The following SCN4B variants were observed in gnomAD, a reference collection of about 807,000 sequenced individuals.
SCN4B encodes sodium channel regulatory subunit beta-4.
SCN4B carries 20 observed loss-of-function variants against 19.6 expected under a neutral mutation model. That is an observed-to-expected ratio of 1.02 (90% CI 0.72 to 1.48). The LOEUF (loss-of-function observed/expected upper bound fraction) is 1.48, where lower values mean the gene tolerates loss of function less well. Ranked by LOEUF, SCN4B falls within the 40% of genes most tolerant of loss-of-function variation. SCN4B has a pLI of 0.00. For missense variants in SCN4B, 271 were observed against 287.5 expected (o/e 0.94, Z 0.42); for synonymous variants, 127 against 122.8 (o/e 1.03, Z -0.22).
In SCN4B at chr11:118,134,112, T is replaced by G. The variant is rs902636331; in HGVS notation, c.*2915A>C. 2.2e-6 allele frequency: 1 copy of G among 454,294 alleles called. No individual in the cohort carries two copies. Among genetic ancestry groups the G allele is most frequent in the Non-Finnish European group, 4.4e-6 (1 of 226,804 alleles). The allele number at this position is 454,294 out of a possible 1,614,324, so 28.1% of individuals were successfully genotyped here. A position where few individuals can be genotyped will look rare whatever the true frequency, so the allele number is the denominator to read the frequency against. ...GCTCTGATCGGCCTGCCATATGTAG[T>G]CTGAGCCCCATCGGCTGCTCTCCCC... On this transcript the variant is annotated 3_prime_UTR_variant, in exon 5 of 5. Transcript: ENST00000324727.
chr11:118,145,991 G>A (rs1263872058), intron 1 of SCN4B, among the ~76,000 whole-genome samples: 5 of 152,158 alleles, frequency 3.3e-5, no homozygotes, highest in Admixed American at 1.3e-4. Flanking sequence ...GGGGCGCGCG[G>A]GCGCAGCCAG....
Position 118,148,918 on chromosome 11 carries a change from C to T in SCN4B, c.62-3689G>A, listed in dbSNP as rs1264745577. Among the ~76,000 whole-genome samples, 4 of 151,964 alleles carry T rather than the reference C, an allele frequency of 2.6e-5. No homozygotes were observed. The highest frequency in any genetic ancestry group is 1.9e-4 in the East Asian group (1 of 5,182). On this transcript the variant is annotated intron_variant, in intron 1 of 4. Coordinates refer to ENST00000324727, the MANE Select transcript of SCN4B (RefSeq NM_174934.4). The surrounding 1 kb of genome is among the most constrained non-coding windows in gnomAD (Gnocchi z 4.0). ...TGTGTGAGAGTGGGGGGCCTCTTTC[C>T]GGCATTGTGGAATTGAGGAACAACT...
At position 118,134,490 on chromosome 11, in the gene SCN4B, G is replaced by A; in HGVS notation, c.*2537C>T. 2 of 454,096 alleles carry A rather than the reference G, an allele frequency of 4.4e-6. No individual in the cohort carries two copies. The highest frequency in any genetic ancestry group is 8.8e-6 in the Non-Finnish European group (2 of 226,790). The allele number at this position is 454,096 out of a possible 1,614,324, so 28.1% of individuals were successfully genotyped here. A position where few individuals can be genotyped will look rare whatever the true frequency, so the allele number is the denominator to read the frequency against. On this transcript the variant is annotated 3_prime_UTR_variant, in exon 5 of 5. Coordinates refer to ENST00000324727, the MANE Select transcript of SCN4B (RefSeq NM_174934.4). The stretch of plus-strand genomic sequence containing the variant: ...TTGACATGGGACAGGATGATTCTTT[G>A]TTGTGGGGACTAAGTTTAGCATTCT...
intron 1 of SCN4B, among the ~76,000 whole-genome samples, chr11:118,151,331 G>A (rs919729620): frequency 3.3e-5 from 5 of 152,114 alleles, no homozygotes; most frequent in Admixed American, 6.5e-5. Flanking sequence ...TGCCACCATG[G>A]GGACCTGGGC....
Position 118,136,879 on chromosome 11 carries a change from C to A in SCN4B, c.*148G>T. 1 of 705,060 alleles carries A rather than the reference C, an allele frequency of 1.4e-6. No individual in the cohort carries two copies. 43.7% of individuals were successfully genotyped at this position (705,060 alleles called of 1,614,324 possible). A position where few individuals can be genotyped will look rare whatever the true frequency, so the allele number is the denominator to read the frequency against. Reference sequence around the variant, plus strand: ...CTGGGAAGGGGATGGGCAGGCTGGGCAGGACTCTGGTTTCTTGTGCCCGGA... The same window carrying A: ...CTGGGAAGGGGATGGGCAGGCTGGGAAGGACTCTGGTTTCTTGTGCCCGGA... On this transcript the variant is annotated 3_prime_UTR_variant, in exon 5 of 5. Coordinates refer to ENST00000324727, the MANE Select transcript of SCN4B (RefSeq NM_174934.4).
chr11:118,146,908 G>C (rs1214745032), intron 1 of SCN4B, among the ~76,000 whole-genome samples: 3 of 152,188 alleles, frequency 2.0e-5, no homozygotes, highest in Non-Finnish European at 2.9e-5. Context: ...ATTAGTGCTG[G>C]GAAGTTATTT....
In SCN4B at chr11:118,144,118, A is replaced by G. The variant is rs553060273; in HGVS notation, c.235-57T>C. 1.2e-5 allele frequency: 14 copies of G among 1,199,804 alleles called. No individual in the cohort carries two copies. In the African/African-American group the frequency reaches 1.9e-4, roughly 17 times the overall value. 74.3% of individuals were successfully genotyped at this position (1,199,804 alleles called of 1,614,324 possible). A position where few individuals can be genotyped will look rare whatever the true frequency, so the allele number is the denominator to read the frequency against. ...TAGCCGAGAAAGAATCGGGGTCCTC[A>G]AGGGTCATGACATCACACCAGCCCA... On this transcript the variant is annotated intron_variant, in intron 2 of 4. Coordinates refer to ENST00000324727, the MANE Select transcript of SCN4B (RefSeq NM_174934.4).
At chr11:118,138,494 GTC>G (rs1948053395) in intron 4 of SCN4B, among the ~76,000 whole-genome samples, 1 of 152,058 alleles carries the variant, frequency 6.6e-6, no homozygotes, top group African/African-American at 2.4e-5. Flanking sequence ...CTCTCTCTCT[GTC>G]TCTCTCTCTT....
In SCN4B at chr11:118,143,830, T is replaced by A. The variant is rs751139039; in HGVS notation, c.463+3A>T. ...CTGCCCTGTGCCAGCCCCTACTGCA[T>A]ACGTCTATCAACGACTTGGAGGAAG... On this transcript the variant is annotated splice_donor_region_variant and intron_variant, in intron 3 of 4. Transcript: ENST00000324727. The A allele has an allele frequency of 8.6e-5, 139 of 1,609,496 alleles. 1 individual carries two copies. In the East Asian group the frequency reaches 3.1e-3, roughly 35 times the overall value.
Position 118,134,221 on chromosome 11 carries a change from A to G in SCN4B, c.*2806T>C, listed in dbSNP as rs1591428848. Reference sequence around the variant, plus strand: ...GAGAAGCCCAGAACCTGGAATGCTGATTTCATATTTTGTAGTTGATGAGGA... The same window carrying G: ...GAGAAGCCCAGAACCTGGAATGCTGGTTTCATATTTTGTAGTTGATGAGGA... On this transcript the variant is annotated 3_prime_UTR_variant, in exon 5 of 5. Transcript: ENST00000324727. 2.2e-6 allele frequency: 1 copy of G among 454,064 alleles called. No individual in the cohort carries two copies. The highest frequency in any genetic ancestry group is 4.4e-6 in the Non-Finnish European group (1 of 226,784). 28.1% of individuals were successfully genotyped at this position (454,064 alleles called of 1,614,324 possible).
At chr11:118,146,802 C>G (rs1042243302) in intron 1 of SCN4B, among the ~76,000 whole-genome samples, 2 of 152,174 alleles carry the variant, frequency 1.3e-5, no homozygotes, top group Non-Finnish European at 2.9e-5. Flanking sequence ...CTATGAGTCA[C>G]GTACTATTAT....
In SCN4B at chr11:118,145,090, C is replaced by G. The variant is rs1272762836; in HGVS notation, c.201G>C (p.Arg67=). The G allele has an allele frequency of 6.2e-7, 1 of 1,614,006 alleles. No homozygotes were observed. Among genetic ancestry groups the G allele is most frequent in the African/African-American group, 1.3e-5 (1 of 74,894 alleles). The change falls in exon 2 of 5, where the codon CGG becomes CGC. Residue 67 remains arginine, a synonymous_variant. Transcript: ENST00000324727. ...ATGCGTCACTGCTGTTGTAGGTCCA[C>G]CGGAAGTGGAGGTCCTCGAAGCCAA... is the stretch of plus-strand genomic sequence containing the variant. ...SCFGFEDLHF[R]WTYNSSDAFK... is the part of the protein sequence containing the mutation.
intron 1 of SCN4B, among the ~76,000 whole-genome samples, chr11:118,146,997 T>C (rs1948185452): frequency 6.6e-6 from 1 of 152,184 alleles, no homozygotes; most frequent in Non-Finnish European, 1.5e-5. Flanking sequence ...TTTTCAAACT[T>C]GAGAGCGCAT....
chr11:118,141,244 G>A lies in SCN4B; in HGVS notation c.556C>T (p.Leu186Phe). The A allele has an allele frequency of 1.2e-6, 2 of 1,613,028 alleles. No individual in the cohort carries two copies. The highest frequency in any genetic ancestry group is 1.7e-6 in the Non-Finnish European group (2 of 1,180,016). The change falls in exon 4 of 5, where the codon CTC becomes TTC. Residue 186 changes from leucine (L) to phenylalanine (F), a missense_variant. By Grantham distance (22) the Leu-to-Phe change is conservative. Coordinates refer to ENST00000324727, the MANE Select transcript of SCN4B (RefSeq NM_174934.4). ...GTCTTCTTCAGGATGAAGATGATGA[G>A]TTTCTTGATCAGCAGGATGAGGATG... ...LLILILLIKK[L>F]IIFILKKTRE... is the part of the protein sequence containing the mutation.
At position 118,141,719 on chromosome 11, in the gene SCN4B, T is replaced by A. The variant is rs941326835; in HGVS notation, c.464-383A>T. ...GACCCCTTTGCTCACACAGAAAAAATTAAGAACCTCCCTATGATACCTCTT... is the reference window on the plus strand; with the variant it reads ...GACCCCTTTGCTCACACAGAAAAAAATAAGAACCTCCCTATGATACCTCTT... On this transcript the variant is annotated intron_variant, in intron 3 of 4. Coordinates refer to ENST00000324727, the MANE Select transcript of SCN4B (RefSeq NM_174934.4). 87 of 289,222 alleles carry A rather than the reference T, an allele frequency of 3.0e-4. 2 individuals carry two copies. The highest frequency in any genetic ancestry group is 7.3e-5 in the Non-Finnish European group (11 of 150,350). 17.9% of individuals were successfully genotyped at this position (289,222 alleles called of 1,614,324 possible).
rs373045667 is a variant in SCN4B at position 118,143,864 on chromosome 11, G to A, written c.432C>T (p.His144=). Residue 144 remains histidine (H), a synonymous_variant, in exon 3 of 5, where the codon CAC becomes CAT. Transcript: ENST00000324727. ...CAACGACTTGGAGGAAGATGGTGGC[G>A]TGGTGCTGGAGATTATTCTCCTTGG... The part of the protein sequence containing the change: ...KNPKENNLQH[H]ATIFLQVVDR... 112 of 1,612,952 alleles carry A rather than the reference G, an allele frequency of 6.9e-5. No homozygotes were observed. The highest frequency in any genetic ancestry group is 5.8e-4 in the East Asian group (26 of 44,892).
Position 118,135,514 on chromosome 11 carries a change from C to T in SCN4B, c.*1513G>A, listed in dbSNP as rs1188262010. ...TTGTTACCACTTTTCCCTGCCATCC[C>T]TGGCCTCACCAATTCTGCCCAACAA... On this transcript the variant is annotated 3_prime_UTR_variant, in exon 5 of 5. Transcript: ENST00000324727. 6.6e-6 allele frequency: 3 copies of T among 453,988 alleles called. No homozygotes were observed. The highest frequency in any genetic ancestry group is 4.7e-5 in the Admixed American group (2 of 42,560). The allele number at this position is 453,988 out of a possible 1,614,324, so 28.1% of individuals were successfully genotyped here. A position where few individuals can be genotyped will look rare whatever the true frequency, so the allele number is the denominator to read the frequency against.
intron 1 of SCN4B, among the ~76,000 whole-genome samples, chr11:118,147,754 C>G (rs572040074): frequency 6.6e-6 from 1 of 152,312 alleles, no homozygotes; most frequent in Non-Finnish European, 1.5e-5. Context: ...AGCTGTCAGA[C>G]AAGGCAGCTT....
At chr11:118,143,312 C>T (rs1381920501) in intron 3 of SCN4B, among the ~76,000 whole-genome samples, 2 of 152,194 alleles carry the variant, frequency 1.3e-5, no homozygotes, top group Non-Finnish European at 2.9e-5. Context: ...TGTCTTACTC[C>T]ATCTCTGTTG....
Sources: gnomAD v4.1 joint callset for allele counts (sites outside exome capture counted in the v4.1 genomes callset) on GRCh38, gnomAD v4.1.1 for gene constraint, Gnocchi (gnomAD v3.1) non-coding constraint, MANE v1.5 for transcripts, NCBI Gene and HGNC (gene_info 2026-07-23, HGNC 2026-07-21) for gene names.